The following KLHL29 variants were observed in gnomAD, a reference collection of about 807,000 sequenced individuals.
KLHL29 encodes the protein kelch-like protein 29.
In KLHL29, 21 loss-of-function variants were observed where a neutral mutation model predicts 80.4. That is an observed-to-expected ratio of 0.26 (90% CI 0.19 to 0.38). The LOEUF (loss-of-function observed/expected upper bound fraction) is 0.38. Among genes scored for constraint, KLHL29 ranks in the 10% least tolerant of loss-of-function variants. The probability of loss-of-function intolerance (pLI) is 1.00; values close to 1 mark genes in which losing one functional copy is unlikely to be tolerated. For synonymous variants in KLHL29, 511 were observed against 526.8 expected (o/e 0.97, Z 0.41); for missense variants, 867 against 1,223.9 (o/e 0.71, Z 4.35).
At chr2:23,388,058 A>G (rs1666229857) in intron 1 of KLHL29, among the ~76,000 whole-genome samples, 1 of 152,200 alleles carries the variant, frequency 6.6e-6, no homozygotes, top group African/African-American at 2.4e-5. Flanking sequence ...GAAATAAAAT[A>G]TCCTATGGTA....
At chr2:23,534,571 C>T (rs1360481544) in intron 2 of KLHL29, among the ~76,000 whole-genome samples, 1 of 151,954 alleles carries the variant, frequency 6.6e-6, no homozygotes, top group Non-Finnish European at 1.5e-5. Context: ...AACTTCTGTT[C>T]CAGCCCAAGT....
At chr2:23,636,988 C>T (rs1669629621) in intron 3 of KLHL29, among the ~76,000 whole-genome samples, 2 of 152,106 alleles carry the variant, frequency 1.3e-5, no homozygotes, top group African/African-American at 2.4e-5. Flanking sequence ...CAGTGGCTGT[C>T]GGAAGAGGCT....
intron 2 of KLHL29, among the ~76,000 whole-genome samples, chr2:23,531,177 G>A (rs1422090765): frequency 4.6e-5 from 7 of 152,240 alleles, no homozygotes; most frequent in East Asian, 1.9e-4. Flanking sequence ...GTACAGACAA[G>A]TTTCAAATAA....
chr2:23,623,680 G>A (rs1323692716), intron 3 of KLHL29, among the ~76,000 whole-genome samples: 1 of 152,184 alleles, frequency 6.6e-6, no homozygotes, highest in Admixed American at 6.5e-5. Flanking sequence ...GGCTGTGTGG[G>A]TTTCTGTGGA....
rs537701778 is a variant in KLHL29 at position 23,554,055 on chromosome 2, C to T, written c.-45-8097C>T. Among the ~76,000 whole-genome samples, 11 of 152,300 alleles carry T rather than the reference C, an allele frequency of 7.2e-5. No homozygotes were observed. In the South Asian group the frequency reaches 2.3e-3, roughly 32 times the overall value. ...AGCAAGACTTCTGAGCTAATGGGGGCTCCATGGGGCTGGGGGTCACTGGGG... is the reference window on the plus strand; with the variant it reads ...AGCAAGACTTCTGAGCTAATGGGGGTTCCATGGGGCTGGGGGTCACTGGGG... On this transcript the variant is annotated intron_variant, in intron 2 of 13. Transcript: ENST00000486442.
chr2:23,415,897 TACTC>T (rs760126066), intron 1 of KLHL29, among the ~76,000 whole-genome samples: 1 of 152,164 alleles, frequency 6.6e-6, no homozygotes, highest in Non-Finnish European at 1.5e-5. Context: ...AAGATAGTAA[TACTC>T]ACTGCTCAGA....
chr2:23,601,300 GT>G (rs1558404098), intron 3 of KLHL29, among the ~76,000 whole-genome samples: 1 of 152,222 alleles, frequency 6.6e-6, no homozygotes, highest in Non-Finnish European at 1.5e-5. Context: ...TTTTAAGTGG[GT>G]TTTGGGTGGG....
At chr2:23,687,599 C>G (rs549350269) in intron 6 of KLHL29, among the ~76,000 whole-genome samples, 1 of 152,136 alleles carries the variant, frequency 6.6e-6, no homozygotes, top group Non-Finnish European at 1.5e-5. Flanking sequence ...GGCAAGGAGA[C>G]GAGCAGAGAC....
intron 1 of KLHL29, among the ~76,000 whole-genome samples, chr2:23,436,583 G>C (rs947075310): frequency 1.2e-4 from 18 of 150,994 alleles, no homozygotes; most frequent in Admixed American, 4.6e-4. Context: ...GGCTCTTGTC[G>C]TTAGCAGTAC....
At chr2:23,606,271 G>C (rs1012695825) in intron 3 of KLHL29, among the ~76,000 whole-genome samples, 2 of 151,970 alleles carry the variant, frequency 1.3e-5, no homozygotes, top group East Asian at 1.9e-4. Context: ...ATTGATTCCA[G>C]AACGTTCCCG....
chr2:23,400,799 G>A (rs914194975), intron 1 of KLHL29, among the ~76,000 whole-genome samples: 10 of 152,162 alleles, frequency 6.6e-5, no homozygotes, highest in African/African-American at 1.4e-4. Flanking sequence ...GCACCACTGC[G>A]CTCCAGCCTG....
chr2:23,562,390 C>T lies in KLHL29; in HGVS notation c.194C>T (p.Thr65Ile). The change falls in exon 3 of 14, where the codon ACC (threonine) becomes ATC (isoleucine). Residue 65 changes from threonine to isoleucine, a missense_variant. Thr to Ile is a moderately conservative substitution (Grantham distance 89). Coordinates refer to ENST00000486442, the MANE Select transcript of KLHL29 (RefSeq NM_052920.2). The surrounding 1 kb of genome is among the most constrained non-coding windows in gnomAD (Gnocchi z 4.5). ...CCCGTGGTGCCCTCCCGGCTGCCCA[C>T]CCCGGCTACAGCTCCTGCTCCCTGC... ...PLPVVPSRLP[T>I]PATAPAPCTT... is the part of the protein sequence containing the mutation. 2 of 1,539,266 alleles carry T rather than the reference C, an allele frequency of 1.3e-6. No homozygotes were observed. Among genetic ancestry groups the T allele is most frequent in the Non-Finnish European group, 1.7e-6 (2 of 1,146,206 alleles).
At chr2:23,564,533 G>A (rs1558390245) in intron 3 of KLHL29, among the ~76,000 whole-genome samples, 1 of 152,352 alleles carries the variant, frequency 6.6e-6, no homozygotes, top group East Asian at 1.9e-4. Flanking sequence ...TTGGTGCCCA[G>A]GAGCACTGGG....
Position 23,443,801 on chromosome 2 carries a change from C to T in KLHL29, c.-153-31759C>T, listed in dbSNP as rs143119857. The stretch of plus-strand genomic sequence containing the variant: ...TTAGGTTAAAGGGATGAACATGAGG[C>T]GATGCCATTGTGAAGGTAGATTTTT... On this transcript the variant is annotated intron_variant, in intron 1 of 13. Coordinates refer to ENST00000486442, the MANE Select transcript of KLHL29 (RefSeq NM_052920.2). 7.0e-3 allele frequency among the ~76,000 whole-genome samples: 1,064 copies of T among 152,312 alleles called. 8 individuals are homozygous for T. Among genetic ancestry groups the T allele is most frequent in the Non-Finnish European group, 0.011 (767 of 68,036 alleles).
intron 1 of KLHL29, among the ~76,000 whole-genome samples, chr2:23,386,116 C>T (rs950112980): frequency 6.6e-6 from 1 of 152,118 alleles, no homozygotes; most frequent in Non-Finnish European, 1.5e-5. Flanking sequence ...GAGCAGCCCC[C>T]CTGCTGGGCC....
At chr2:23,513,740 G>A (rs147971016) in intron 2 of KLHL29, among the ~76,000 whole-genome samples, 314 of 152,246 alleles carry the variant, frequency 2.1e-3, no homozygotes, top group South Asian at 6.6e-3. Context: ...CATTAGGATC[G>A]AGGATGCGCT....
intron 3 of KLHL29, among the ~76,000 whole-genome samples, chr2:23,613,159 A>G (rs1668911895): frequency 6.6e-6 from 1 of 152,234 alleles, no homozygotes; most frequent in Non-Finnish European, 1.5e-5. Context: ...AAAAGAATAA[A>G]AGGAACACAG....
Position 23,700,542 on chromosome 2 carries a change from G to A in KLHL29, c.2106-2644G>A, listed in dbSNP as rs1016638550. On this transcript the variant is annotated intron_variant, in intron 11 of 13. Transcript: ENST00000486442. This position sits in a 1 kb window ranked among gnomAD's most constrained non-coding sequence, Gnocchi z 4.6. ...TGGTAGCTTGAAATCAGCCAAGTGGGAGGAGTGACATCGCAGAAACCAGCA... is the reference window on the plus strand; with the variant it reads ...TGGTAGCTTGAAATCAGCCAAGTGGAAGGAGTGACATCGCAGAAACCAGCA... Among the ~76,000 whole-genome samples, 9 of 152,170 alleles carry A rather than the reference G, an allele frequency of 5.9e-5. No homozygotes were observed. Among genetic ancestry groups the A allele is most frequent in the Admixed American group, 5.9e-4 (9 of 15,286 alleles).
rs113055609 is a variant in KLHL29, at chr2:23,706,407, C to T, written c.2445-74C>T. ...GGCACAGGCAGCCTACAACAGGACA[C>T]GACGTTGAGAACCTATCTCCAGGGC... On this transcript the variant is annotated intron_variant, in intron 13 of 13. Transcript: ENST00000486442. 291 of 1,213,658 alleles carry T rather than the reference C, an allele frequency of 2.4e-4. 1 individual carries two copies. The highest frequency in any genetic ancestry group is 3.0e-4 in the Non-Finnish European group (275 of 920,802). 75.2% of individuals were successfully genotyped at this position (1,213,658 alleles called of 1,614,324 possible).
Sources: allele counts gnomAD v4.1 joint callset (sites outside exome capture counted in the v4.1 genomes callset), GRCh38; gene constraint gnomAD v4.1.1; non-coding constraint Gnocchi (gnomAD v3.1); transcripts MANE v1.5; gene names NCBI Gene and HGNC (gene_info 2026-07-23, HGNC 2026-07-21).